Variants in IHO1 observed in about 807,000 individuals in gnomAD.
The protein encoded by IHO1 is interactor of HORMAD1 protein 1.
Under a neutral mutation model 31.0 loss-of-function variants are expected in IHO1, and 13 were observed. That is an observed-to-expected ratio of 0.42 (90% confidence interval 0.27 to 0.67). The LOEUF is 0.67. Ranked by LOEUF, IHO1 falls within the 30% of genes least tolerant of loss-of-function variation. The pLI is 0.24. For synonymous variants in IHO1, 221 were observed against 248.4 expected (o/e 0.89, Z 1.04); for missense variants, 599 against 687.5 (o/e 0.87, Z 1.44).
At chr3:49,251,954 C>G (rs9828310) in intron 6 of IHO1, among the ~76,000 whole-genome samples, 15,111 of 152,078 alleles carry the variant, frequency 0.099, 830 homozygotes, top group Middle Eastern at 0.11. Flanking sequence ...GCCTCAGCCT[C>G]CCGAGTAGCT....
At chr3:49,244,145 G>A (rs1258828461) in intron 4 of IHO1, among the ~76,000 whole-genome samples, 1 of 151,858 alleles carries the variant, frequency 6.6e-6, no homozygotes, top group Non-Finnish European at 1.5e-5. Context: ...AGTAGAGACG[G>A]GGTTTCACTG....
At chr3:49,208,988 C>T (rs779344105) in intron 1 of IHO1, among the ~76,000 whole-genome samples, 1 of 152,196 alleles carries the variant, frequency 6.6e-6, no homozygotes, top group Non-Finnish European at 1.5e-5. Flanking sequence ...TAATTGACAG[C>T]TTCCTGACCT....
At chr3:49,240,470 C>T (rs1435090672) in intron 3 of IHO1, among the ~76,000 whole-genome samples, 5 of 152,088 alleles carry the variant, frequency 3.3e-5, no homozygotes, top group Non-Finnish European at 4.4e-5. Flanking sequence ...GTGATCCGCC[C>T]GCCTCGGCCT....
Position 49,246,917 on chromosome 3 carries a change from C to T in IHO1, c.532+2184C>T, listed in dbSNP as rs572353412. 7.9e-5 allele frequency among the ~76,000 whole-genome samples: 12 copies of T among 151,072 alleles called. No individual in the cohort carries two copies. In the East Asian group the frequency reaches 1.2e-3, roughly 15 times the overall value. On this transcript the variant is annotated intron_variant, in intron 6 of 7. Transcript: ENST00000452691. ...TCCCCCAGGCTGGAGTGCGATGGCG[C>T]GAACTTGTGCAACCTCTGCCTCCCA... is the stretch of plus-strand genomic sequence containing the variant.
chr3:49,238,220 A>G (rs1575582006), intron 3 of IHO1, among the ~76,000 whole-genome samples: 2 of 151,948 alleles, frequency 1.3e-5, no homozygotes, highest in African/African-American at 2.4e-5. Context: ...TTTGAGATCA[A>G]TCTGTGTTTT....
chr3:49,234,807 G>A (rs1318624449), intron 2 of IHO1, among the ~76,000 whole-genome samples: 2 of 151,838 alleles, frequency 1.3e-5, no homozygotes, highest in Non-Finnish European at 2.9e-5. Flanking sequence ...TGTGTATAAT[G>A]TAGGTTTAAA....
At chr3:49,240,535 T>C (rs2046618731) in intron 3 of IHO1, among the ~76,000 whole-genome samples, 1 of 152,148 alleles carries the variant, frequency 6.6e-6, no homozygotes, top group Non-Finnish European at 1.5e-5. Context: ...ATTTTTGTAT[T>C]TCTAGTAGTG....
intron 1 of IHO1, among the ~76,000 whole-genome samples, chr3:49,202,494 T>TC (rs2046082096): frequency 1.9e-5 from 2 of 104,120 alleles, no homozygotes; most frequent in Non-Finnish European, 3.8e-5. Context: ...CCCGGCTAAT[T>TC]TTGTGTGTGT....
chr3:49,250,121 CACAA>C lies in IHO1; in HGVS notation c.533-5261_533-5258del, dbSNP rs375325326. 2.3e-3 allele frequency among the ~76,000 whole-genome samples: 353 copies of C among 152,240 alleles called. 2 individuals carry two copies. Among genetic ancestry groups the C allele is most frequent in the Middle Eastern group, 0.02 (6 of 294 alleles). ...ATAAATACTCTTCTAGACACACATA[CACAA>C]ACAAACACAGGACCTATAATGTATA... On this transcript the variant is annotated intron_variant, in intron 6 of 7. Coordinates refer to ENST00000452691, the MANE Select transcript of IHO1 (RefSeq NM_001135197.2).
intron 6 of IHO1, among the ~76,000 whole-genome samples, chr3:49,252,526 C>T (rs2046772575): frequency 6.6e-6 from 1 of 152,056 alleles, no homozygotes; most frequent in Admixed American, 6.6e-5. Context: ...TCAAGCAATT[C>T]TCCCACCTCA....
intron 2 of IHO1, among the ~76,000 whole-genome samples, chr3:49,220,459 G>T (rs2046340431): frequency 6.6e-6 from 1 of 152,206 alleles, no homozygotes; most frequent in Non-Finnish European, 1.5e-5. Context: ...TCCGGAGTTT[G>T]TTCCTTCAGA....
At chr3:49,222,871 A>G (rs779141937) in intron 2 of IHO1, among the ~76,000 whole-genome samples, 34 of 152,098 alleles carry the variant, frequency 2.2e-4, no homozygotes, top group Admixed American at 4.6e-4. Flanking sequence ...ATTTAACTCA[A>G]TTGTAGTGAA....
chr3:49,236,865 T>C (rs765725858), intron 3 of IHO1, 143 bp downstream of exon 3: 5 of 712,438 alleles, frequency 7.0e-6, no homozygotes, highest in Non-Finnish European at 1.1e-5. Flanking sequence ...GTGGATCCCT[T>C]GAGCCCAGGA....
intron 2 of IHO1, chr3:49,228,424 G>T: frequency 5.0e-6 from 2 of 396,078 alleles, no homozygotes; most frequent in South Asian, 1.8e-5. Flanking sequence ...TTAACTGGCC[G>T]ACAGGTGCCC....
At chr3:49,210,029 C>CTTT (rs966102422) in intron 1 of IHO1, among the ~76,000 whole-genome samples, 2 of 136,584 alleles carry the variant, frequency 1.5e-5, no homozygotes, top group African/African-American at 2.7e-5. Context: ...TTCTTTCTTT[C>CTTT]TTTTTTTTTT....
chr3:49,202,611 C>T (rs1158058188), intron 1 of IHO1, among the ~76,000 whole-genome samples: 1 of 151,464 alleles, frequency 6.6e-6, no homozygotes, highest in African/African-American at 2.4e-5. Context: ...CTCCTGACCT[C>T]GTGATCTGCC....
At chr3:49,253,039 CAA>C (rs756719889) in intron 6 of IHO1, among the ~76,000 whole-genome samples, 1 of 128,928 alleles carries the variant, frequency 7.8e-6, no homozygotes, top group East Asian at 2.3e-4. Context: ...GACTCAGTCT[CAA>C]AAAAAAAAAA....
chr3:49,219,779 C>T (rs776893014), intron 2 of IHO1, among the ~76,000 whole-genome samples: 1 of 152,118 alleles, frequency 6.6e-6, no homozygotes, highest in Non-Finnish European at 1.5e-5. Flanking sequence ...AGAAGGGGAG[C>T]TCGGAAGCAT....
rs149676894 is a variant in IHO1 at position 49,248,903 on chromosome 3, C to T, written c.532+4170C>T. On this transcript the variant is annotated intron_variant, in intron 6 of 7. Coordinates refer to ENST00000452691, the MANE Select transcript of IHO1 (RefSeq NM_001135197.2). ...TTGAGAGAGGAACCAGACAAATCCT[C>T]TAGCATATGGCCAGGTCCAGTCCAG... Among the ~76,000 whole-genome samples the T allele has an allele frequency of 5.0e-3, 765 of 152,306 alleles. 6 individuals carry two copies. Among genetic ancestry groups the T allele is most frequent in the African/African-American group, 0.018 (731 of 41,574 alleles).
Sources: gnomAD v4.1 joint callset for allele counts (sites outside exome capture counted in the v4.1 genomes callset) on GRCh38, gnomAD v4.1.1 for gene constraint, MANE v1.5 for transcripts, NCBI Gene and HGNC (gene_info 2026-07-23, HGNC 2026-07-21) for gene names.